Variants in ABL2 observed in about 807,000 individuals in gnomAD.
The protein encoded by ABL2 is ABL proto-oncogene 2, non-receptor tyrosine kinase.
In ABL2, 49 loss-of-function variants were observed where a neutral mutation model predicts 107.7. That is an observed-to-expected ratio of 0.45 (90% CI 0.36 to 0.58). The LOEUF is 0.58. ABL2 is among the 20% of genes least tolerant of loss of function. The probability of loss-of-function intolerance (pLI) is 0.00; values close to 1 mark genes in which losing one functional copy is unlikely to be tolerated. For synonymous variants in ABL2, 549 were observed against 548.6 expected (o/e 1.00, Z -0.01); for missense variants, 1,245 against 1,457.0 (o/e 0.85, Z 2.37).
intron 1 of ABL2, among the ~76,000 whole-genome samples, chr1:179,135,558 G>C (rs1264506014): frequency 6.6e-6 from 1 of 151,910 alleles, no homozygotes; most frequent in Admixed American, 6.5e-5. Flanking sequence ...TGGGAAGTGA[G>C]GAGCGTCTCC....
intron 1 of ABL2, among the ~76,000 whole-genome samples, chr1:179,216,624 A>T (rs532255779): frequency 3.1e-3 from 465 of 152,354 alleles, no homozygotes; most frequent in Non-Finnish European, 5.6e-3. Flanking sequence ...AAAATTTTTT[A>T]AAAATTCTCC....
At chr1:179,150,172 A>G (rs1658278443) in intron 1 of ABL2, among the ~76,000 whole-genome samples, 1 of 152,122 alleles carries the variant, frequency 6.6e-6, no homozygotes. Context: ...GGAGGTCAAA[A>G]CTGCAGTGAG....
chr1:179,127,352 T>C (rs1288119776), intron 3 of ABL2, among the ~76,000 whole-genome samples: 1 of 152,178 alleles, frequency 6.6e-6, no homozygotes. Flanking sequence ...TCCTTCCTAG[T>C]TCCCACAAAG....
chr1:179,208,111 T>A (rs1303284769), intron 1 of ABL2, among the ~76,000 whole-genome samples: 1 of 152,212 alleles, frequency 6.6e-6, no homozygotes, highest in African/African-American at 2.4e-5. Flanking sequence ...AAATCAGTTA[T>A]ATTTATTAAC....
intron 4 of ABL2, among the ~76,000 whole-genome samples, chr1:179,124,390 C>T (rs1655531151): frequency 6.6e-6 from 1 of 151,484 alleles, no homozygotes; most frequent in Non-Finnish European, 1.5e-5. Context: ...AGAAGCCTCC[C>T]TTATGCTCTC....
At chr1:179,161,121 A>G (rs1659040815) in intron 1 of ABL2, among the ~76,000 whole-genome samples, 1 of 152,212 alleles carries the variant, frequency 6.6e-6, no homozygotes, top group African/African-American at 2.4e-5. Flanking sequence ...ATAGGGATAA[A>G]GGGTCATTAA....
chr1:179,217,759 T>C (rs865981714), intron 1 of ABL2, among the ~76,000 whole-genome samples: 12 of 152,256 alleles, frequency 7.9e-5, no homozygotes, highest in African/African-American at 2.9e-4. Flanking sequence ...CATATATATC[T>C]AAGACTCAAT....
chr1:179,131,582 G>T, intron 2 of ABL2, 101 bp from the exon 3 acceptor site: 1 of 1,233,558 alleles, frequency 8.1e-7, no homozygotes, highest in Non-Finnish European at 1.2e-6. Context: ...TGGCTCCAGA[G>T]TAGGAAAGAA....
intron 1 of ABL2, among the ~76,000 whole-genome samples, chr1:179,169,924 G>A (rs978979512): frequency 2.0e-5 from 3 of 152,092 alleles, no homozygotes; most frequent in Non-Finnish European, 4.4e-5. Context: ...AGCTACTCGG[G>A]AGGCTGAAGT....
At chr1:179,130,720 T>C (rs1398529841) in intron 3 of ABL2, among the ~76,000 whole-genome samples, 5 of 137,420 alleles carry the variant, frequency 3.6e-5, no homozygotes, top group Admixed American at 1.5e-4. Flanking sequence ...TCAATCATTA[T>C]TGATTTTGTG....
intron 1 of ABL2, among the ~76,000 whole-genome samples, chr1:179,146,191 T>C (rs992381621): frequency 6.6e-6 from 1 of 152,192 alleles, no homozygotes; most frequent in Non-Finnish European, 1.5e-5. Flanking sequence ...CAGAAAACTA[T>C]GCAGTAGTTC....
At chr1:179,118,220 G>C (rs1654844978) in intron 7 of ABL2, among the ~76,000 whole-genome samples, 1 of 149,178 alleles carries the variant, frequency 6.7e-6, no homozygotes, top group African/African-American at 2.5e-5. Context: ...GCAAAATAAA[G>C]AGAGCTCTCT....
intron 1 of ABL2, among the ~76,000 whole-genome samples, chr1:179,173,514 C>T (rs115441918): frequency 0.099 from 14,258 of 143,422 alleles, 707 homozygotes; most frequent in African/African-American, 0.14. Context: ...AGGCACGTGC[C>T]GCCACGCCTG....
chr1:179,223,109 CA>C (rs35137729), intron 1 of ABL2, among the ~76,000 whole-genome samples: 25,414 of 69,320 alleles, frequency 0.37, 2,366 homozygotes, highest in East Asian at 0.43. Context: ...GGCTCCCTCT[CA>C]AAAAAAAAAA....
chr1:179,121,587 C>A lies in ABL2; in HGVS notation c.960+8G>T, dbSNP rs1369571966. On this transcript the variant is annotated splice_region_variant and intron_variant, in intron 5 of 11. Transcript: ENST00000502732. ...GATGCCTGAAAACTGTAATTCTCAGCAACCCACCTTCAATGTTTTCACAGC... is the reference window on the plus strand; with the variant it reads ...GATGCCTGAAAACTGTAATTCTCAGAAACCCACCTTCAATGTTTTCACAGC... 6.2e-7 allele frequency: 1 copy of A among 1,606,940 alleles called. No individual in the cohort carries two copies. Among genetic ancestry groups the A allele is most frequent in the Admixed American group, 1.7e-5 (1 of 59,650 alleles).
chr1:179,187,404 AAG>A (rs1660734479), intron 1 of ABL2, among the ~76,000 whole-genome samples: 1 of 152,228 alleles, frequency 6.6e-6, no homozygotes, highest in Non-Finnish European at 1.5e-5. Flanking sequence ...GGAGAAACCA[AAG>A]AAGTTTCAAA....
At position 179,133,372 on chromosome 1, in the gene ABL2, GATCT is replaced by G; in HGVS notation, c.158-2_159del. On this transcript the variant is annotated splice_acceptor_variant and coding_sequence_variant, in exon 2 of 12. Transcript: ENST00000502732. LOFTEE classifies it high-confidence loss of function. ...CCATCCTCCACACAGCTGGCAAAGT[GATCT>G]ATTTAAGAAAAAAATTGACCACGTC... is the stretch of plus-strand genomic sequence containing the variant. 1 of 1,613,986 alleles carries G rather than the reference GATCT, an allele frequency of 6.2e-7. No individual in the cohort carries two copies. Among genetic ancestry groups the G allele is most frequent in the Non-Finnish European group, 8.5e-7 (1 of 1,179,990 alleles).
chr1:179,229,474 C>A lies in ABL2; in HGVS notation c.-77G>T. The A allele has an allele frequency of 7.2e-7, 1 of 1,384,984 alleles. No individual in the cohort carries two copies. The highest frequency in any genetic ancestry group is 1.6e-5 in the South Asian group (1 of 63,530). The allele number at this position is 1,384,984 out of a possible 1,614,324, so 85.8% of individuals were successfully genotyped here. On this transcript the variant is annotated 5_prime_UTR_variant, in exon 1 of 12. Coordinates refer to ENST00000502732, the MANE Select transcript of ABL2 (RefSeq NM_007314.4). ...CTCGGCTCCGGCCTCGGGCTCCTGGCGCTGCTCCGGTCTCTCCCTCCCAGC... is the reference window on the plus strand; with the variant it reads ...CTCGGCTCCGGCCTCGGGCTCCTGGAGCTGCTCCGGTCTCTCCCTCCCAGC...
intron 7 of ABL2, 114 bp downstream of exon 7, chr1:179,118,473 A>C: frequency 5.5e-6 from 6 of 1,085,554 alleles, no homozygotes; most frequent in Non-Finnish European, 8.0e-6. Context: ...TGTGAAATAC[A>C]AAATTACTTT....
Sources: allele counts gnomAD v4.1 joint callset (sites outside exome capture counted in the v4.1 genomes callset), GRCh38; gene constraint gnomAD v4.1.1; transcripts MANE v1.5; gene names NCBI Gene and HGNC (gene_info 2026-07-23, HGNC 2026-07-21).